Variants in SLC15A1 observed in about 807,000 individuals in gnomAD.
SLC15A1 encodes the protein Caco-2 oligopeptide transporter.
Under a neutral mutation model 92.9 loss-of-function variants are expected in SLC15A1, and 83 were observed. That is an observed-to-expected ratio of 0.89 (90% CI 0.75 to 1.07). The LOEUF (loss-of-function observed/expected upper bound fraction) is 1.07. Among genes scored for constraint, SLC15A1 ranks in the 50% least tolerant of loss-of-function variants. SLC15A1 has a pLI of 0.00. For missense variants in SLC15A1, 857 were observed against 880.1 expected (o/e 0.97, Z 0.33); for synonymous variants, 322 against 318.2 (o/e 1.01, Z -0.13).
At chr13:98,741,970 G>A (rs575984576) in intron 1 of SLC15A1, among the ~76,000 whole-genome samples, 1 of 152,340 alleles carries the variant, frequency 6.6e-6, no homozygotes, top group African/African-American at 2.4e-5. Context: ...GTGCTGAAGG[G>A]AGACTGTGGG....
intron 21 of SLC15A1, among the ~76,000 whole-genome samples, chr13:98,687,135 T>A (rs1399938004): frequency 1.3e-5 from 2 of 152,012 alleles, no homozygotes; most frequent in Non-Finnish European, 2.9e-5. Flanking sequence ...TAATTTTTTT[T>A]AATTTTTAAA....
At position 98,744,427 on chromosome 13, in the gene SLC15A1, T is replaced by C. The variant is rs562622468; in HGVS notation, c.4+8168A>G. Among the ~76,000 whole-genome samples, 339 of 151,206 alleles carry C rather than the reference T, an allele frequency of 2.2e-3. 2 individuals carry two copies. Among genetic ancestry groups the C allele is most frequent in the Non-Finnish European group, 3.5e-3 (237 of 67,818 alleles). ...TATGACGTTAGGGTATAAAACAGAATGCAAGTTTTCTGCCCACATGATAGA... is the reference window on the plus strand; with the variant it reads ...TATGACGTTAGGGTATAAAACAGAACGCAAGTTTTCTGCCCACATGATAGA... On this transcript the variant is annotated intron_variant, in intron 1 of 22. Transcript: ENST00000376503.
At chr13:98,733,255 G>C (rs2088364366) in intron 1 of SLC15A1, among the ~76,000 whole-genome samples, 1 of 152,212 alleles carries the variant, frequency 6.6e-6, no homozygotes, top group South Asian at 2.1e-4. Context: ...CACTAAGCTT[G>C]TGGTTTTTTT....
In SLC15A1 at chr13:98,716,006, C is replaced by A. The variant is rs760018823; in HGVS notation, c.641-46G>T. ...CATGTCAGCAAAGCATGTGACCGAGCGCCCTGTGGCCTAGAGAGATGCGCC... is the reference window on the plus strand; with the variant it reads ...CATGTCAGCAAAGCATGTGACCGAGAGCCCTGTGGCCTAGAGAGATGCGCC... On this transcript the variant is annotated intron_variant, in intron 8 of 22. Transcript: ENST00000376503. 6.0e-6 allele frequency: 9 copies of A among 1,511,200 alleles called. No homozygotes were observed. The Admixed American group carries it at 1.0e-4, about 17-fold the overall frequency. The allele number at this position is 1,511,200 out of a possible 1,614,324, so 93.6% of individuals were successfully genotyped here. A position where few individuals can be genotyped will look rare whatever the true frequency, so the allele number is the denominator to read the frequency against.
chr13:98,687,156 A>T (rs1185229897), intron 21 of SLC15A1, among the ~76,000 whole-genome samples: 1 of 151,840 alleles, frequency 6.6e-6, no homozygotes, highest in African/African-American at 2.4e-5. Context: ...GCTAGACCTT[A>T]TTTGTTATGT....
intron 1 of SLC15A1, among the ~76,000 whole-genome samples, chr13:98,739,973 C>A (rs1367186066): frequency 6.6e-6 from 1 of 151,820 alleles, no homozygotes; most frequent in Non-Finnish European, 1.5e-5. Flanking sequence ...AGGTAGCCAT[C>A]AAAGAAGAAA....
chr13:98,745,615 C>T (rs2088486453), intron 1 of SLC15A1, among the ~76,000 whole-genome samples: 1 of 152,098 alleles, frequency 6.6e-6, no homozygotes, highest in African/African-American at 2.4e-5. Flanking sequence ...CCAAGGAATG[C>T]CAAAGACCAC....
chr13:98,723,789 C>T, intron 5 of SLC15A1, 123 bp downstream of exon 5: 2 of 1,363,790 alleles, frequency 1.5e-6, no homozygotes, highest in South Asian at 2.8e-5. Context: ...CTCCATGCTG[C>T]CCAAGGGGGA....
At position 98,726,025 on chromosome 13, in the gene SLC15A1, T is replaced by G. The variant is rs1169254562; in HGVS notation, c.245+98A>C. 2.7e-6 allele frequency: 4 copies of G among 1,459,818 alleles called. No individual in the cohort carries two copies. In the African/African-American group the frequency reaches 5.6e-5, roughly 20 times the overall value. 90.4% of individuals were successfully genotyped at this position (1,459,818 alleles called of 1,614,324 possible). A position where few individuals can be genotyped will look rare whatever the true frequency, so the allele number is the denominator to read the frequency against. ...ACCTGGCCTCTCCTAAGAGTTTCTGTTCTTTGATTCATCATTCCCAGATTC... is the reference window on the plus strand; with the variant it reads ...ACCTGGCCTCTCCTAAGAGTTTCTGGTCTTTGATTCATCATTCCCAGATTC... On this transcript the variant is annotated intron_variant, in intron 4 of 22. Coordinates refer to ENST00000376503, the MANE Select transcript of SLC15A1 (RefSeq NM_005073.4).
At chr13:98,726,899 T>C (rs909464049) in intron 1 of SLC15A1, 40 bp from the exon 2 acceptor site, 3 of 1,608,638 alleles carry the variant, frequency 1.9e-6, no homozygotes, top group Non-Finnish European at 2.6e-6. Context: ...AGTCAAGCCA[T>C]TACAATAGTT....
At chr13:98,749,013 C>A (rs566214072) in intron 1 of SLC15A1, among the ~76,000 whole-genome samples, 67 of 152,210 alleles carry the variant, frequency 4.4e-4, no homozygotes, top group Non-Finnish European at 7.6e-4. Context: ...CCCAAAAGAA[C>A]CCAATGTTAG....
chr13:98,734,529 TA>T (rs1200556337), intron 1 of SLC15A1, among the ~76,000 whole-genome samples: 2 of 152,136 alleles, frequency 1.3e-5, no homozygotes, highest in Non-Finnish European at 2.9e-5. Context: ...TTCCCTTTCC[TA>T]GCCAAGGGAA....
chr13:98,687,732 A>T lies in SLC15A1; in HGVS notation c.1684-8T>A. 6.2e-7 allele frequency: 1 copy of T among 1,611,442 alleles called. No homozygotes were observed. ...TTCAGGGCAGCTGTCATTCTGCAGC[A>T]GTAAGGCAAAAGCAGAAGAAGTTGA... On this transcript the variant is annotated splice_region_variant and splice_polypyrimidine_tract_variant and intron_variant, in intron 20 of 22. Coordinates refer to ENST00000376503, the MANE Select transcript of SLC15A1 (RefSeq NM_005073.4).
Position 98,706,158 on chromosome 13 carries a change from C to T in SLC15A1, c.1245G>A (p.Met415Ile). The T allele has an allele frequency of 6.2e-7, 1 of 1,611,580 alleles. No individual in the cohort carries two copies. Among genetic ancestry groups the T allele is most frequent in the Non-Finnish European group, 8.5e-7 (1 of 1,179,302 alleles). ...NTMNISLPGE[M>I]VTLGPMSQTN... ...CTTGAGACATTGGGCCAAGTGTCAC[C>T]ATCTCTCCAGGAAGAGATATATTCA... Residue 415 changes from methionine to isoleucine, a missense_variant, in exon 16 of 23, where the codon ATG (methionine) becomes ATA (isoleucine). Met to Ile is a conservative substitution (Grantham distance 10, BLOSUM62 1). Coordinates refer to ENST00000376503, the MANE Select transcript of SLC15A1 (RefSeq NM_005073.4).
chr13:98,706,836 C>T (rs1395040693), intron 15 of SLC15A1, among the ~76,000 whole-genome samples: 4 of 152,290 alleles, frequency 2.6e-5, no homozygotes, highest in Admixed American at 2.6e-4. Context: ...AGATGCTGCT[C>T]TTATCTTATC....
In SLC15A1 at chr13:98,721,547, C is replaced by A. The variant is rs761306515; in HGVS notation, c.504G>T (p.Leu168Phe). ...QRNRFFSIFY[L>F]AINAGSLLST... is the part of the protein sequence containing the mutation. ...AAAGCAAACTTCCAGCATTAATAGC[C>A]AAGTAAAAGATGGAAAAAAATCTGT... Residue 168 changes from leucine to phenylalanine, a missense_variant, in exon 7 of 23, where the codon TTG (leucine) becomes TTT (phenylalanine). Transcript: ENST00000376503. 1.2e-6 allele frequency: 2 copies of A among 1,608,886 alleles called. No individual in the cohort carries two copies. Among genetic ancestry groups the A allele is most frequent in the South Asian group, 1.1e-5 (1 of 90,548 alleles).
intron 1 of SLC15A1, among the ~76,000 whole-genome samples, chr13:98,730,885 C>G (rs1185130027): frequency 6.6e-6 from 1 of 152,210 alleles, no homozygotes; most frequent in Admixed American, 6.5e-5. Flanking sequence ...CATCCATGTC[C>G]CGGGTCTCGA....
At chr13:98,733,648 A>G (rs761578362) in intron 1 of SLC15A1, among the ~76,000 whole-genome samples, 12 of 152,222 alleles carry the variant, frequency 7.9e-5, no homozygotes, top group Admixed American at 4.6e-4. Flanking sequence ...AGTTAAGGAG[A>G]GAATTTTCTC....
Position 98,704,309 on chromosome 13 carries a change from C to T in SLC15A1, c.1396G>A (p.Ala466Thr). 3.7e-6 allele frequency: 6 copies of T among 1,609,772 alleles called. No homozygotes were observed. Among genetic ancestry groups the T allele is most frequent in the East Asian group, 2.2e-5 (1 of 44,690 alleles). The change falls in exon 17 of 23, where the codon GCC becomes ACC. Residue 466 changes from alanine to threonine, a missense_variant. By Grantham distance (58) the Ala-to-Thr change is moderately conservative. Transcript: ENST00000376503. ...CTTACCACCTGGTAGTGATTGGGGG[C>T]CCACACTAGAAGCGTGTGGCGTTGG... ...QGQRHTLLVWAPNHYQVVKDG... is the reference protein window; with the variant it reads ...QGQRHTLLVWTPNHYQVVKDG...
Sources: gnomAD v4.1 joint callset for allele counts (sites outside exome capture counted in the v4.1 genomes callset) on GRCh38, gnomAD v4.1.1 for gene constraint, MANE v1.5 for transcripts, NCBI Gene and HGNC (gene_info 2026-07-23, HGNC 2026-07-21) for gene names.